Variants in CYB5R4 observed in about 807,000 individuals in gnomAD.
CYB5R4 encodes the protein N-terminal cytochrome b5 and cytochrome b5 oxidoreductase domain-containing protein.
A neutral mutation model predicts 70.2 loss-of-function variants in CYB5R4; 55 were observed. The observed-to-expected ratio is 0.78, with a 90% CI of 0.63 to 0.98. The LOEUF is 0.98. Ranked by LOEUF, CYB5R4 falls within the 50% of genes least tolerant of loss-of-function variation. CYB5R4 has a pLI of 0.00. For synonymous variants in CYB5R4, 197 were observed against 199.5 expected (o/e 0.99, Z 0.11); for missense variants, 562 against 612.6 (o/e 0.92, Z 0.87).
intron 2 of CYB5R4, among the ~76,000 whole-genome samples, chr6:83,870,691 T>G (rs1249061667): frequency 6.6e-6 from 1 of 152,078 alleles, no homozygotes; most frequent in Non-Finnish European, 1.5e-5. Flanking sequence ...CTATCATCAT[T>G]ACTTTCTTGG....
In CYB5R4 at chr6:83,864,209, G is replaced by T; in HGVS notation, c.110G>T (p.Trp37Leu). Reference sequence around the variant, plus strand: ...AAACAGGGCAGAAGCCTTATGGATTGGATTCGACTGACCAAAAGTGGAAAG... The same window carrying T: ...AAACAGGGCAGAAGCCTTATGGATTTGATTCGACTGACCAAAAGTGGAAAG... ...PLKQGRSLMD[W>L]IRLTKSGKDL... The change falls in exon 2 of 16, where the codon TGG becomes TTG. Residue 37 changes from tryptophan (W) to leucine (L), a missense_variant. Physicochemically the swap from Trp to Leu is moderately conservative, Grantham distance 61. Transcript: ENST00000369681. 5.0e-6 allele frequency: 8 copies of T among 1,612,266 alleles called. No individual in the cohort carries two copies. Among genetic ancestry groups the T allele is most frequent in the Non-Finnish European group, 6.8e-6 (8 of 1,179,130 alleles).
chr6:83,898,999 A>G (rs916388038), intron 3 of CYB5R4, among the ~76,000 whole-genome samples: 2 of 152,074 alleles, frequency 1.3e-5, no homozygotes, highest in African/African-American at 2.4e-5. Context: ...TTCCAACACT[A>G]TGTTGAATAG....
chr6:83,948,761 C>T (rs1214501244), intron 14 of CYB5R4, among the ~76,000 whole-genome samples: 1 of 151,956 alleles, frequency 6.6e-6, no homozygotes, highest in African/African-American at 2.4e-5. Flanking sequence ...TGTGTTTTTT[C>T]TTTCGTTTTG....
intron 5 of CYB5R4, among the ~76,000 whole-genome samples, chr6:83,914,654 C>T (rs577705299): frequency 5.3e-5 from 8 of 152,148 alleles, no homozygotes; most frequent in Non-Finnish European, 8.8e-5. Context: ...TCTCCTGCCT[C>T]GGTGTCCTGA....
In CYB5R4 at chr6:83,864,687, G is replaced by T. The variant is rs143630547; in HGVS notation, c.229+359G>T. Among the ~76,000 whole-genome samples, 789 of 152,010 alleles carry T rather than the reference G, an allele frequency of 5.2e-3. 26 individuals are homozygous for T. The highest frequency in any genetic ancestry group is 0.049 in the Admixed American group (752 of 15,270). ...TCTCAGAGCCTTATAACAGAATTCT[G>T]TTGGAAAAAAAAAATCTCTGAGAAT... On this transcript the variant is annotated intron_variant, in intron 2 of 15. Coordinates refer to ENST00000369681, the MANE Select transcript of CYB5R4 (RefSeq NM_016230.4).
intron 14 of CYB5R4, among the ~76,000 whole-genome samples, chr6:83,946,594 G>A (rs1348885682): frequency 1.3e-5 from 2 of 152,068 alleles, no homozygotes; most frequent in African/African-American, 4.8e-5. Context: ...GGGAAAGAAA[G>A]AAAGGGTATT....
chr6:83,908,823 C>T (rs974080871), intron 3 of CYB5R4, among the ~76,000 whole-genome samples, 186 bp from the exon 4 acceptor site: 2 of 152,202 alleles, frequency 1.3e-5, no homozygotes, highest in Non-Finnish European at 2.9e-5. Context: ...TTTGAGAATA[C>T]TATTCTAAAC....
At chr6:83,914,325 G>T in intron 4 of CYB5R4, 91 bp from the exon 5 acceptor site, 1 of 1,343,340 alleles carries the variant, frequency 7.4e-7, no homozygotes, top group South Asian at 1.4e-5. Flanking sequence ...AAAAAAGAAG[G>T]GATGTTATCT....
chr6:83,919,406 G>T lies in CYB5R4; in HGVS notation c.516G>T (p.Trp172Cys), dbSNP rs2129139678. 1 of 1,506,738 alleles carries T rather than the reference G, an allele frequency of 6.6e-7. No homozygotes were observed. The highest frequency in any genetic ancestry group is 9.1e-7 in the Non-Finnish European group (1 of 1,104,826). The allele number at this position is 1,506,738 out of a possible 1,614,324, so 93.3% of individuals were successfully genotyped here. Residue 172 changes from tryptophan to cysteine, a missense_variant, in exon 7 of 16, where the codon TGG becomes TGT. Transcript: ENST00000369681. ...KEGPSYPSYDWFQTDSLVTIA... is the reference protein window; with the variant it reads ...KEGPSYPSYDCFQTDSLVTIA... Reference sequence around the variant, plus strand: ...TATTTATATTTTACAGCTATGATTGGTTCCAAACAGACTCTTTAGTCACCA... The same window carrying T: ...TATTTATATTTTACAGCTATGATTGTTTCCAAACAGACTCTTTAGTCACCA...
At chr6:83,930,951 A>G (rs779642557) in intron 10 of CYB5R4, among the ~76,000 whole-genome samples, 1 of 152,120 alleles carries the variant, frequency 6.6e-6, no homozygotes, top group Non-Finnish European at 1.5e-5. Flanking sequence ...CAGCCCTCCT[A>G]GAATTGAGAA....
intron 3 of CYB5R4, among the ~76,000 whole-genome samples, chr6:83,900,581 G>A (rs373163596): frequency 4.2e-4 from 64 of 152,156 alleles, no homozygotes; most frequent in African/African-American, 1.3e-3. Flanking sequence ...AAAGTCTCCC[G>A]TTATTACTGT....
intron 10 of CYB5R4, among the ~76,000 whole-genome samples, chr6:83,932,552 AC>A (rs2099468318): frequency 6.6e-6 from 1 of 152,190 alleles, no homozygotes; most frequent in Non-Finnish European, 1.5e-5. Context: ...CCTGGGTTCC[AC>A]ACTTGGAGAG....
chr6:83,900,375 C>A (rs2099462712), intron 3 of CYB5R4, among the ~76,000 whole-genome samples: 1 of 152,076 alleles, frequency 6.6e-6, no homozygotes, highest in Non-Finnish European at 1.5e-5. Flanking sequence ...CTGAGGAGTG[C>A]TTTACTTCCA....
Position 83,961,631 on chromosome 6 carries a change from CT to C in CYB5R4, c.*1757del. 6.6e-6 allele frequency: 1 copy of C among 152,564 alleles called. No homozygotes were observed. The highest frequency in any genetic ancestry group is 1.5e-5 in the Non-Finnish European group (1 of 68,270). 9.5% of individuals were successfully genotyped at this position (152,564 alleles called of 1,614,324 possible). On this transcript the variant is annotated 3_prime_UTR_variant, in exon 16 of 16. Coordinates refer to ENST00000369681, the MANE Select transcript of CYB5R4 (RefSeq NM_016230.4). ...GCAGAACTGTGAGTCAATTAAACCT[CT>C]TTTCTTCATAAATTACCCAGTCTCA...
chr6:83,895,219 G>C (rs934901358), intron 3 of CYB5R4, among the ~76,000 whole-genome samples: 2 of 152,144 alleles, frequency 1.3e-5, no homozygotes, highest in African/African-American at 4.8e-5. Flanking sequence ...AGGCTGGAGT[G>C]CAGTGGTGTG....
At chr6:83,922,065 A>G (rs992153728) in intron 8 of CYB5R4, among the ~76,000 whole-genome samples, 2 of 152,206 alleles carry the variant, frequency 1.3e-5, no homozygotes, top group Non-Finnish European at 2.9e-5. Context: ...CTGTTCACAT[A>G]CATACACACA....
chr6:83,932,818 C>A (rs975693485), intron 10 of CYB5R4, among the ~76,000 whole-genome samples: 3 of 152,148 alleles, frequency 2.0e-5, no homozygotes, highest in African/African-American at 4.8e-5. Context: ...TACTCATTGT[C>A]AGACAGAGCC....
At chr6:83,900,470 C>A (rs372979553) in intron 3 of CYB5R4, among the ~76,000 whole-genome samples, 4 of 152,140 alleles carry the variant, frequency 2.6e-5, no homozygotes, top group African/African-American at 4.8e-5. Flanking sequence ...AGTTCTGTAG[C>A]TGTCTATTAG....
chr6:83,870,378 A>G (rs1232170471), intron 2 of CYB5R4, among the ~76,000 whole-genome samples: 3 of 151,736 alleles, frequency 2.0e-5, no homozygotes, highest in Admixed American at 1.3e-4. Context: ...AGTAATGATA[A>G]CGAAAGCTTT....
Sources: allele counts gnomAD v4.1 joint callset (sites outside exome capture counted in the v4.1 genomes callset), GRCh38; gene constraint gnomAD v4.1.1; transcripts MANE v1.5; gene names NCBI Gene and HGNC (gene_info 2026-07-23, HGNC 2026-07-21).